PVT1: variants seen among roughly 807,000 people sequenced by gnomAD.
PVT1 encodes Pvt1 oncogene.
chr8:127,830,101 G>A (rs1814833657), intron 2 of PVT1, among the ~76,000 whole-genome samples: 1 of 152,224 alleles, frequency 6.6e-6, no homozygotes, highest in African/African-American at 2.4e-5. Context: ...TACCTGCAAA[G>A]ACCCTATTTC....
chr8:128,015,407 TTAGAGTAACTC>T (rs1048840030), intron 4 of PVT1, among the ~76,000 whole-genome samples: 2 of 152,134 alleles, frequency 1.3e-5, no homozygotes, highest in Non-Finnish European at 2.9e-5. Flanking sequence ...GATTGTTTAG[TTAGAGTAACTC>T]TAGATGACAT....
At chr8:127,937,614 C>T (rs117968926) in intron 3 of PVT1, among the ~76,000 whole-genome samples, 58 of 105,044 alleles carry the variant, frequency 5.5e-4, no homozygotes, top group Non-Finnish European at 7.5e-4. Context: ...GAGAGACCAA[C>T]GTGGCCTCTC....
chr8:127,867,929 A>G (rs1815302150), intron 2 of PVT1, among the ~76,000 whole-genome samples: 1 of 152,194 alleles, frequency 6.6e-6, no homozygotes, highest in African/African-American at 2.4e-5. Context: ...AACTATTATC[A>G]AAGGAAAACA....
intron 3 of PVT1, among the ~76,000 whole-genome samples, chr8:127,985,787 A>C (rs1816962720): frequency 6.6e-6 from 1 of 152,158 alleles, no homozygotes; most frequent in African/African-American, 2.4e-5. Context: ...CAGGTACCAT[A>C]GTCTACCTCC....
chr8:127,834,271 T>C (rs1267893862), intron 2 of PVT1, among the ~76,000 whole-genome samples: 1 of 151,906 alleles, frequency 6.6e-6, no homozygotes, highest in Non-Finnish European at 1.5e-5. Flanking sequence ...ATACCACACA[T>C]CTACAACCAT....
intron 4 of PVT1, among the ~76,000 whole-genome samples, chr8:128,057,650 G>T (rs867569976): frequency 6.6e-6 from 1 of 152,172 alleles, no homozygotes; most frequent in South Asian, 2.1e-4. Flanking sequence ...GCCTGTCTCT[G>T]TTCAGCCTTT....
chr8:127,944,369 A>G (rs1395614657), intron 3 of PVT1, among the ~76,000 whole-genome samples: 2 of 152,198 alleles, frequency 1.3e-5, no homozygotes, highest in Admixed American at 6.5e-5. Context: ...AGGAAGCCCC[A>G]GGTTCAATTT....
At chr8:128,059,001 T>TGG (rs1813797979) in intron 4 of PVT1, among the ~76,000 whole-genome samples, 2 of 152,294 alleles carry the variant, frequency 1.3e-5, no homozygotes, top group African/African-American at 4.8e-5. Context: ...CAGCCCTTGC[T>TGG]TTGTGCAACA....
At chr8:128,066,330 C>G (rs747667859) in intron 4 of PVT1, among the ~76,000 whole-genome samples, 1 of 152,210 alleles carries the variant, frequency 6.6e-6, no homozygotes, top group Non-Finnish European at 1.5e-5. Flanking sequence ...ATTCTCTCTT[C>G]TGGCCTGCTG....
chr8:128,044,970 G>A (rs1278243577), intron 4 of PVT1, among the ~76,000 whole-genome samples: 1 of 152,222 alleles, frequency 6.6e-6, no homozygotes, highest in Non-Finnish European at 1.5e-5. Flanking sequence ...GAATGAGTAA[G>A]TAGATAAAGG....
chr8:127,920,578 A>T (rs1816044779), intron 3 of PVT1, among the ~76,000 whole-genome samples: 1 of 152,202 alleles, frequency 6.6e-6, no homozygotes, highest in Non-Finnish European at 1.5e-5. Context: ...CACTCAATAA[A>T]TGTTAGCTAT....
At chr8:127,849,188 C>T (rs576858308) in intron 2 of PVT1, among the ~76,000 whole-genome samples, 4 of 152,232 alleles carry the variant, frequency 2.6e-5, no homozygotes, top group East Asian at 3.9e-4. Flanking sequence ...CAGATAATGC[C>T]GGCCTGGGGA....
intron 3 of PVT1, among the ~76,000 whole-genome samples, chr8:127,944,632 G>C (rs749348584): frequency 1.3e-5 from 2 of 151,852 alleles, no homozygotes; most frequent in Non-Finnish European, 2.9e-5. Context: ...ATCCAAAGCA[G>C]AGACAAAAGC....
At chr8:127,821,954 T>C (rs1234526795) in intron 2 of PVT1, among the ~76,000 whole-genome samples, 1 of 152,218 alleles carries the variant, frequency 6.6e-6, no homozygotes, top group African/African-American at 2.4e-5. Context: ...GTGGCAGGCC[T>C]ACCAGGTGTG....
intron 4 of PVT1, among the ~76,000 whole-genome samples, chr8:128,064,898 G>A (rs918620022): frequency 5.3e-5 from 8 of 152,190 alleles, no homozygotes; most frequent in Middle Eastern, 3.2e-3. Flanking sequence ...TGTGTGTGAG[G>A]CCTACAAAAG....
At chr8:128,021,290 C>CATTTTTTTT in intron 4 of PVT1, among the ~76,000 whole-genome samples, 1 of 81,140 alleles carries the variant, frequency 1.2e-5, no homozygotes, top group Non-Finnish European at 2.2e-5. Flanking sequence ...AGGACTTGTG[C>CATTTTTTTT]TTTTTTTTTT....
At chr8:127,909,117 C>T (rs777885431) in intron 3 of PVT1, among the ~76,000 whole-genome samples, 1 of 152,184 alleles carries the variant, frequency 6.6e-6, no homozygotes, top group Non-Finnish European at 1.5e-5. Flanking sequence ...TGAAGGCCCT[C>T]AATATGGCGT....
At chr8:127,932,703 A>G (rs1816222471) in intron 3 of PVT1, 2 of 389,310 alleles carry the variant, frequency 5.1e-6, no homozygotes, top group East Asian at 3.6e-5. Flanking sequence ...AAAACATAAT[A>G]CACGTTATAT....
chr8:128,058,039 C>A (rs1813782040), intron 4 of PVT1, among the ~76,000 whole-genome samples: 1 of 152,186 alleles, frequency 6.6e-6, no homozygotes. Flanking sequence ...GGAGCTGGGG[C>A]TCCTCTCTGC....
Sources: allele counts gnomAD v4.1 joint callset (sites outside exome capture counted in the v4.1 genomes callset), GRCh38; gene constraint gnomAD v4.1.1; transcripts MANE v1.5; gene names NCBI Gene and HGNC (gene_info 2026-07-23, HGNC 2026-07-21).